IKZF3: variants seen among roughly 807,000 people sequenced by gnomAD.
The protein encoded by IKZF3 is IKAROS family zinc finger 3.
IKZF3 carries 10 observed loss-of-function variants against 49.0 expected under a neutral mutation model. That is an observed-to-expected ratio of 0.20 (90% CI 0.13 to 0.35). The LOEUF (loss-of-function observed/expected upper bound fraction) is 0.35, where lower values mean the gene tolerates loss of function less well. IKZF3 is among the 10% of genes least tolerant of loss of function. The pLI is 1.00. For missense variants in IKZF3, 498 were observed against 664.8 expected, an observed-to-expected ratio of 0.75 and a Z score of 2.76; for synonymous variants, 209 against 228.2, an observed-to-expected ratio of 0.92 and a Z score of 0.76.
intron 1 of IKZF3, among the ~76,000 whole-genome samples, chr17:39,850,309 A>G (rs1390135874): frequency 7.2e-6 from 1 of 138,590 alleles, no homozygotes; most frequent in Admixed American, 7.5e-5. Context: ...ATAGCATATT[A>G]TACATGTACA....
intron 1 of IKZF3, among the ~76,000 whole-genome samples, chr17:39,840,733 C>T (rs1468678157): frequency 6.6e-6 from 1 of 152,082 alleles, no homozygotes; most frequent in Non-Finnish European, 1.5e-5. Context: ...TTTAAAAATA[C>T]GCAAAGGAGC....
At chr17:39,803,441 T>C (rs1464335945) in intron 3 of IKZF3, among the ~76,000 whole-genome samples, 3 of 152,110 alleles carry the variant, frequency 2.0e-5, no homozygotes, top group Non-Finnish European at 4.4e-5. Flanking sequence ...GGTAGAAACT[T>C]CATTTGTAAA....
intron 3 of IKZF3, among the ~76,000 whole-genome samples, chr17:39,825,826 A>G (rs1307668370): frequency 2.6e-5 from 4 of 152,190 alleles, no homozygotes; most frequent in African/African-American, 7.2e-5. Flanking sequence ...TAATGGGGAG[A>G]GCATTGCCCA....
chr17:39,782,163 T>C (rs546835471), intron 6 of IKZF3, among the ~76,000 whole-genome samples: 8 of 152,246 alleles, frequency 5.3e-5, no homozygotes, highest in Non-Finnish European at 1.2e-4. Context: ...CAATTGAAGA[T>C]GGCACTCATT....
chr17:39,835,996 T>C (rs1456650638), intron 1 of IKZF3: 1 of 637,440 alleles, frequency 1.6e-6, no homozygotes, highest in Non-Finnish European at 2.9e-6. Context: ...TTGGACATGT[T>C]GTCCATGCTG....
intron 1 of IKZF3, among the ~76,000 whole-genome samples, chr17:39,860,778 CATT>C (rs557074738): frequency 1.3e-5 from 2 of 152,250 alleles, no homozygotes; most frequent in Non-Finnish European, 2.9e-5. Context: ...ACACTATGCT[CATT>C]ATTTGGGTGA....
chr17:39,830,426 G>C (rs2062078520), intron 2 of IKZF3, among the ~76,000 whole-genome samples: 1 of 152,134 alleles, frequency 6.6e-6, no homozygotes, highest in Non-Finnish European at 1.5e-5. Flanking sequence ...CACATGGTAG[G>C]CTCAGACAAA....
At chr17:39,772,990 A>G (rs1167512078) in intron 7 of IKZF3, among the ~76,000 whole-genome samples, 1 of 151,884 alleles carries the variant, frequency 6.6e-6, no homozygotes, top group African/African-American at 2.4e-5. Context: ...TAATTTTTGT[A>G]TTTTTAGTAG....
intron 1 of IKZF3, among the ~76,000 whole-genome samples, chr17:39,848,380 A>G (rs2062696284): frequency 6.6e-6 from 1 of 152,220 alleles, no homozygotes. Flanking sequence ...CATACATTCC[A>G]ATTTTACCTT....
intron 7 of IKZF3, among the ~76,000 whole-genome samples, chr17:39,771,199 T>C (rs1416386127): frequency 2.0e-5 from 3 of 152,212 alleles, no homozygotes; most frequent in Admixed American, 2.0e-4. Flanking sequence ...GACTTCAGGT[T>C]TTCTGCTGTG....
intron 3 of IKZF3, among the ~76,000 whole-genome samples, chr17:39,820,489 A>T (rs1327796657): frequency 6.6e-6 from 1 of 152,170 alleles, no homozygotes; most frequent in Non-Finnish European, 1.5e-5. Flanking sequence ...TTTCTATTTC[A>T]ATGAACTTTC....
intron 3 of IKZF3, among the ~76,000 whole-genome samples, chr17:39,820,689 G>C (rs1215223192): frequency 6.6e-6 from 1 of 152,082 alleles, no homozygotes; most frequent in African/African-American, 2.4e-5. Context: ...AGTGTCTTTT[G>C]TATTCATAAC....
At chr17:39,785,911 A>G (rs1444830239) in intron 6 of IKZF3, among the ~76,000 whole-genome samples, 2 of 152,234 alleles carry the variant, frequency 1.3e-5, no homozygotes, top group Non-Finnish European at 2.9e-5. Context: ...TTCAGCATAC[A>G]TAAATGCCTC....
intron 2 of IKZF3, among the ~76,000 whole-genome samples, chr17:39,829,817 C>T (rs568959363): frequency 6.6e-6 from 1 of 152,044 alleles, no homozygotes; most frequent in South Asian, 2.1e-4. Flanking sequence ...TTGGGCATGG[C>T]GGTGCATGCC....
At position 39,766,471 on chromosome 17, in the gene IKZF3, A is replaced by C. The variant is rs2060296589; in HGVS notation, c.849T>G (p.Asp283Glu). The change falls in exon 8 of 8, where the codon GAT becomes GAG. Residue 283 changes from aspartate (D) to glutamate (E), a missense_variant. Around this residue, in one of 3 missense-constraint regions of IKZF3, gnomAD observed 317 missense variants for 397.3 expected, o/e 0.80. Coordinates refer to ENST00000346872, the MANE Select transcript of IKZF3 (RefSeq NM_012481.5). ...KFIGEKRHCF[D>E]VNYNSSYMYE... ...ACATGTAACTTGAATTATAGTTGAC[A>C]TCAAAGCAGTGGCGCTTCTCACCTG... 1 of 1,611,292 alleles carries C rather than the reference A, an allele frequency of 6.2e-7. No individual in the cohort carries two copies. The highest frequency in any genetic ancestry group is 1.1e-5 in the South Asian group (1 of 91,070).
At chr17:39,810,736 T>A (rs1274785103) in intron 3 of IKZF3, among the ~76,000 whole-genome samples, 1 of 152,088 alleles carries the variant, frequency 6.6e-6, no homozygotes, top group East Asian at 1.9e-4. Context: ...TACAATTGAG[T>A]AAAACAATAT....
chr17:39,831,298 C>T (rs969535883), intron 2 of IKZF3, among the ~76,000 whole-genome samples: 4 of 150,422 alleles, frequency 2.7e-5, no homozygotes, highest in African/African-American at 7.4e-5. Flanking sequence ...GGCTTGAACC[C>T]GGGAGGCTAA....
chr17:39,770,616 G>A (rs2060413046), intron 7 of IKZF3, among the ~76,000 whole-genome samples: 1 of 151,976 alleles, frequency 6.6e-6, no homozygotes, highest in Admixed American at 6.6e-5. Context: ...TGTCTGCAGG[G>A]TTGAGGGGGA....
rs138453934 is a variant in IKZF3, at chr17:39,795,881, C to T, written c.164-2948G>A. ...CAGCCTGGTCAACATAGCAAAACCC[C>T]GTCTCCACTAAAAATATAGAAAATT... On this transcript the variant is annotated intron_variant, in intron 3 of 7. Transcript: ENST00000346872. Among the ~76,000 whole-genome samples the T allele has an allele frequency of 2.7e-3, 413 of 151,154 alleles. 6 individuals carry two copies. The highest frequency in any genetic ancestry group is 9.5e-3 in the African/African-American group (394 of 41,258).
Sources: gnomAD v4.1 joint callset for allele counts (sites outside exome capture counted in the v4.1 genomes callset) on GRCh38, gnomAD v4.1.1 for gene constraint, gnomAD v4.1.1 regional missense constraint, MANE v1.5 for transcripts, NCBI Gene and HGNC (gene_info 2026-07-23, HGNC 2026-07-21) for gene names.